AGBL4: variants seen among roughly 807,000 people sequenced by gnomAD.
The protein encoded by AGBL4 is cytosolic carboxypeptidase 6.
AGBL4 carries 58 observed loss-of-function variants against 66.4 expected under a neutral mutation model. That is an observed-to-expected ratio of 0.87 (90% CI 0.71 to 1.09). AGBL4 has a LOEUF of 1.09. Among genes scored for constraint, AGBL4 ranks in the 50% least tolerant of loss-of-function variants. AGBL4 has a pLI of 0.00. For synonymous variants in AGBL4, 234 were observed against 222.9 expected (o/e 1.05, Z -0.44); for missense variants, 579 against 631.0 (o/e 0.92, Z 0.88).
chr1:50,022,758 C>T (rs917689572), intron 1 of AGBL4, among the ~76,000 whole-genome samples: 5 of 152,224 alleles, frequency 3.3e-5, no homozygotes, highest in South Asian at 2.1e-4. Flanking sequence ...ACACCCATCA[C>T]ACACATATTC....
At chr1:48,530,488 A>T (rs747534979), downstream of AGBL4, among the ~76,000 whole-genome samples, 4 of 152,176 alleles carry the variant, frequency 2.6e-5, no homozygotes, top group Non-Finnish European at 5.9e-5. Flanking sequence ...TTACAGTGAA[A>T]GGATACTAGT....
intron 5 of AGBL4, among the ~76,000 whole-genome samples, chr1:49,008,073 C>A (rs201851987): frequency 6.6e-6 from 1 of 152,140 alleles, no homozygotes; most frequent in Non-Finnish European, 1.5e-5. Context: ...ATAAAAGACA[C>A]AGACTGGCAA....
At chr1:48,576,359 T>A (rs1006599157) in intron 11 of AGBL4, among the ~76,000 whole-genome samples, 2 of 152,018 alleles carry the variant, frequency 1.3e-5, no homozygotes, top group Non-Finnish European at 2.9e-5. Context: ...CCATTGAAAA[T>A]TTTTCTCCCA....
chr1:48,647,851 G>A (rs1011712533), intron 8 of AGBL4, among the ~76,000 whole-genome samples: 8 of 149,062 alleles, frequency 5.4e-5, no homozygotes, highest in East Asian at 2.0e-4. Context: ...ATTACCAACC[G>A]ATTCTACACT....
chr1:49,097,633 G>A (rs1645130151), intron 4 of AGBL4, among the ~76,000 whole-genome samples: 1 of 152,238 alleles, frequency 6.6e-6, no homozygotes, highest in African/African-American at 2.4e-5. Flanking sequence ...CCAGGCCAGA[G>A]TGCAGTGGCA....
chr1:49,313,402 G>C (rs1220884253), intron 3 of AGBL4, among the ~76,000 whole-genome samples: 5 of 152,114 alleles, frequency 3.3e-5, no homozygotes, highest in Admixed American at 2.0e-4. Context: ...TAATGGGATT[G>C]CTGGGTCAAA....
At chr1:48,873,589 C>T (rs1380057675) in intron 5 of AGBL4, among the ~76,000 whole-genome samples, 1 of 152,118 alleles carries the variant, frequency 6.6e-6, no homozygotes, top group Non-Finnish European at 1.5e-5. Context: ...AGCCTAGCAC[C>T]TGACCAACAG....
At chr1:49,678,919 T>C (rs1371357048) in intron 3 of AGBL4, among the ~76,000 whole-genome samples, 2 of 152,136 alleles carry the variant, frequency 1.3e-5, no homozygotes, top group Non-Finnish European at 2.9e-5. Flanking sequence ...GATATATAGA[T>C]TGAAATTTCC....
intron 1 of AGBL4, among the ~76,000 whole-genome samples, chr1:49,936,039 A>C (rs1008909978): frequency 1.3e-5 from 2 of 152,298 alleles, no homozygotes. Flanking sequence ...AAACTACTCC[A>C]AGCTACAGGA....
intron 3 of AGBL4, among the ~76,000 whole-genome samples, chr1:49,255,288 C>A (rs923986433): frequency 6.6e-6 from 1 of 151,912 alleles, no homozygotes; most frequent in Non-Finnish European, 1.5e-5. Context: ...GTCTAATATC[C>A]AGCATCTATA....
intron 4 of AGBL4, among the ~76,000 whole-genome samples, chr1:49,198,465 C>T (rs1009587081): frequency 1.3e-5 from 2 of 151,986 alleles, no homozygotes; most frequent in African/African-American, 2.4e-5. Context: ...CTCAGCCTCC[C>T]GAGTAGCTGG....
chr1:49,995,503 G>A, intron 1 of AGBL4: 1 of 343,716 alleles, frequency 2.9e-6, no homozygotes, highest in South Asian at 2.3e-5. Context: ...CCCTGCCCAA[G>A]AAGAGTCTGA....
intron 3 of AGBL4, among the ~76,000 whole-genome samples, chr1:49,263,117 G>A (rs1411624000): frequency 6.6e-6 from 1 of 151,440 alleles, no homozygotes; most frequent in Non-Finnish European, 1.5e-5. Context: ...AGAACACATG[G>A]ACACAGGAAG....
intron 6 of AGBL4, among the ~76,000 whole-genome samples, chr1:48,824,146 T>C (rs1646375619): frequency 6.6e-6 from 1 of 152,154 alleles, no homozygotes; most frequent in African/African-American, 2.4e-5. Context: ...ACCTAATATA[T>C]GCCACTGGGA....
At chr1:49,849,823 T>C (rs1646261156) in intron 2 of AGBL4, among the ~76,000 whole-genome samples, 1 of 152,182 alleles carries the variant, frequency 6.6e-6, no homozygotes, top group Non-Finnish European at 1.5e-5. Flanking sequence ...GAAAGGAATC[T>C]GAATTATTGC....
At chr1:48,596,709 T>C (rs1453741602) in intron 9 of AGBL4, among the ~76,000 whole-genome samples, 2 of 152,146 alleles carry the variant, frequency 1.3e-5, no homozygotes, top group African/African-American at 4.8e-5. Flanking sequence ...GCTCCCAAAG[T>C]GCTGGGTTTA....
intron 1 of AGBL4, 102 bp downstream of exon 1, chr1:50,023,661 A>C (rs1572076843): frequency 7.3e-7 from 1 of 1,367,904 alleles, no homozygotes; most frequent in East Asian, 2.9e-5. Context: ...AATATACAGG[A>C]CCGCCTCCTC....
chr1:48,896,010 T>G (rs1363125606), intron 5 of AGBL4, among the ~76,000 whole-genome samples: 1 of 152,240 alleles, frequency 6.6e-6, no homozygotes, highest in Non-Finnish European at 1.5e-5. Context: ...TATTTGCAGG[T>G]TGCCATTCAA....
intron 3 of AGBL4, among the ~76,000 whole-genome samples, chr1:49,435,691 G>A (rs561138319): frequency 1.1e-3 from 169 of 152,294 alleles, no homozygotes; most frequent in African/African-American, 3.8e-3. Flanking sequence ...TCTATACAGG[G>A]CAAGAACAAA....
Sources: allele counts gnomAD v4.1 joint callset (sites outside exome capture counted in the v4.1 genomes callset), GRCh38; gene constraint gnomAD v4.1.1; transcripts MANE v1.5; gene names NCBI Gene and HGNC (gene_info 2026-07-23, HGNC 2026-07-21).